The following ALLC variants were observed in gnomAD, a reference collection of about 807,000 sequenced individuals.
The protein encoded by ALLC is probable inactive allantoicase.
A neutral mutation model predicts 45.0 loss-of-function variants in ALLC; 40 were observed. The observed-to-expected ratio is 0.89, with a 90% confidence interval of 0.69 to 1.16. The LOEUF (loss-of-function observed/expected upper bound fraction) is 1.16. Ranked by LOEUF, ALLC falls within the 50% of genes most tolerant of loss-of-function variation. The pLI, the probability that ALLC is intolerant of heterozygous loss-of-function variation, is 0.00. For missense variants in ALLC, 488 were observed against 493.1 expected (o/e 0.99, Z 0.10); for synonymous variants, 176 against 178.1 (o/e 0.99, Z 0.09).
chr2:3,677,726 C>T (rs1358832671), intron 3 of ALLC, among the ~76,000 whole-genome samples: 1 of 152,208 alleles, frequency 6.6e-6, no homozygotes, highest in African/African-American at 2.4e-5. Flanking sequence ...GCCCTGGGTC[C>T]TGCTACCCCT....
the ALLC span, among the ~76,000 whole-genome samples, chr2:3,648,695 GC>G: frequency 6.6e-6 from 1 of 152,158 alleles, no homozygotes; most frequent in African/African-American, 2.4e-5. Context: ...GCTGTCCACT[GC>G]CCCCCATTCT....
intron 1 of ALLC, among the ~76,000 whole-genome samples, chr2:3,663,501 T>G (rs770260938): frequency 6.6e-6 from 1 of 152,198 alleles, no homozygotes; most frequent in East Asian, 1.9e-4. Context: ...TGGGTTGATC[T>G]GTGCAGCAAA....
upstream of ALLC, among the ~76,000 whole-genome samples, chr2:3,657,982 T>C (rs1666479275): frequency 6.6e-6 from 1 of 152,230 alleles, no homozygotes; most frequent in African/African-American, 2.4e-5. Flanking sequence ...CCCAGGCCAG[T>C]GGCCGGAGGC....
upstream of ALLC, among the ~76,000 whole-genome samples, chr2:3,656,829 G>GGGGTC (rs1666454056): frequency 6.8e-6 from 1 of 146,244 alleles, no homozygotes; most frequent in African/African-American, 2.8e-5. Context: ...GTGGAGGGCA[G>GGGGTC]AGGTCAGGGT....
At chr2:3,652,301 G>T in the ALLC span, among the ~76,000 whole-genome samples, 1,013 of 152,362 alleles carry the variant, frequency 6.6e-3, 4 homozygotes, top group Non-Finnish European at 0.011. Context: ...AGAGCCTGGG[G>T]GCCGGTCTGT....
intron 2 of ALLC, among the ~76,000 whole-genome samples, chr2:3,673,249 G>A (rs1239393583): frequency 6.6e-6 from 1 of 152,242 alleles, no homozygotes; most frequent in Non-Finnish European, 1.5e-5. Context: ...TTGGGAGCAC[G>A]AGTCTGGAGA....
At chr2:3,696,619 C>T (rs946420416) in intron 9 of ALLC, among the ~76,000 whole-genome samples, 1 of 152,074 alleles carries the variant, frequency 6.6e-6, no homozygotes, top group African/African-American at 2.4e-5. Context: ...AAAGGAGCTG[C>T]GATTTAATAA....
In ALLC at chr2:3,702,365, G is replaced by C. The variant is rs762977000; in HGVS notation, c.978G>C (p.Leu326Phe). Residue 326 changes from leucine (L) to phenylalanine (F), a missense_variant and splice_region_variant, in exon 12 of 12, where the codon TTG (leucine) becomes TTC (phenylalanine). Coordinates refer to ENST00000252505, the MANE Select transcript of ALLC (RefSeq NM_018436.4). ...KWKPLLPVTKLSPNQSHLFDS... is the reference protein window; with the variant it reads ...KWKPLLPVTKFSPNQSHLFDS... ...CTCTGCATCTGCTTGCTTTTCAGTT[G>C]TCTCCCAACCAAAGTCATCTGTTCG... 5.6e-6 allele frequency: 9 copies of C among 1,612,698 alleles called. No homozygotes were observed. The highest frequency in any genetic ancestry group is 7.6e-6 in the Non-Finnish European group (9 of 1,179,636).
the ALLC span, among the ~76,000 whole-genome samples, chr2:3,651,505 G>C: frequency 3.7e-4 from 56 of 151,214 alleles, no homozygotes; most frequent in Admixed American, 4.0e-4. Context: ...AGGAGGCAGA[G>C]GCCGAGGTGT....
the ALLC span, among the ~76,000 whole-genome samples, chr2:3,649,576 G>T: frequency 3.7e-3 from 569 of 152,366 alleles, 6 homozygotes; most frequent in African/African-American, 0.013. Flanking sequence ...TGAAGTAAAT[G>T]TGGTTTACAC....
chr2:3,674,946 T>C (rs898368574), intron 3 of ALLC, among the ~76,000 whole-genome samples: 1 of 152,202 alleles, frequency 6.6e-6, no homozygotes, highest in East Asian at 1.9e-4. Flanking sequence ...GTTCCACAGA[T>C]TTACATCGTT....
intron 1 of ALLC, among the ~76,000 whole-genome samples, chr2:3,665,115 G>A (rs1033631447): frequency 6.6e-6 from 1 of 152,102 alleles, no homozygotes; most frequent in Non-Finnish European, 1.5e-5. Context: ...TGTTGACCTC[G>A]GGTGGTGCCT....
chr2:3,674,969 C>CA (rs969785656), intron 3 of ALLC, among the ~76,000 whole-genome samples: 25 of 151,916 alleles, frequency 1.6e-4, no homozygotes, highest in African/African-American at 5.5e-4. Flanking sequence ...CACAAGTGGG[C>CA]AAAAAAATAG....
In ALLC at chr2:3,666,656, C is replaced by T. The variant is rs114763065; in HGVS notation, c.-62-4440C>T. Among the ~76,000 whole-genome samples the T allele has an allele frequency of 8.0e-3, 1,223 of 152,364 alleles. 15 individuals are homozygous for T. Among genetic ancestry groups the T allele is most frequent in the African/African-American group, 0.028 (1,149 of 41,580 alleles). The stretch of plus-strand genomic sequence containing the variant: ...CAGGGCAGCGCGCAGTCAGCATCAC[C>T]CAGCCTTGATGAGCACGCCGCGATG... On this transcript the variant is annotated intron_variant, in intron 1 of 11. Coordinates refer to ENST00000252505, the MANE Select transcript of ALLC (RefSeq NM_018436.4).
At chr2:3,672,342 T>G (rs1234649309) in intron 2 of ALLC, among the ~76,000 whole-genome samples, 1 of 119,100 alleles carries the variant, frequency 8.4e-6, no homozygotes, top group Admixed American at 7.7e-5. Flanking sequence ...GGAGGTCCTC[T>G]GGCTCTGGTT....
chr2:3,697,621 G>GTCTGTCTGTCTGTCTGTCTA lies in ALLC; in HGVS notation c.850+168_850+169insGTCTGTCTGTCTGTCTATCT, dbSNP rs1354630765. On this transcript the variant is annotated intron_variant, in intron 10 of 11. Transcript: ENST00000252505. ...TTAACCCTTAGAACTCTGTCTGTCT[G>GTCTGTCTGTCTGTCTGTCTA]TCTATCTATCTATCTATCTATCTAT... Among the ~76,000 whole-genome samples the GTCTGTCTGTCTGTCTGTCTA allele has an allele frequency of 3.1e-3, 383 of 125,432 alleles. 2 individuals are homozygous for GTCTGTCTGTCTGTCTGTCTA. Among genetic ancestry groups the GTCTGTCTGTCTGTCTGTCTA allele is most frequent in the African/African-American group, 9.7e-3 (351 of 36,126 alleles). The allele number at this position is 125,432 out of a possible 152,430, so 82.3% of individuals were successfully genotyped here.
the ALLC span, among the ~76,000 whole-genome samples, chr2:3,649,781 G>A: frequency 1.3e-5 from 2 of 152,354 alleles, no homozygotes; most frequent in African/African-American, 2.4e-5. Context: ...AGGGACTCAC[G>A]TGCACACGTG....
chr2:3,702,344 G>A lies in ALLC; in HGVS notation c.976-19G>A. On this transcript the variant is annotated intron_variant, in intron 11 of 11. Coordinates refer to ENST00000252505, the MANE Select transcript of ALLC (RefSeq NM_018436.4). Reference sequence around the variant, plus strand: ...GTCCTGTTAACAGACTAGGACCTCTGCATCTGCTTGCTTTTCAGTTGTCTC... The same window carrying A: ...GTCCTGTTAACAGACTAGGACCTCTACATCTGCTTGCTTTTCAGTTGTCTC... The A allele has an allele frequency of 6.2e-7, 1 of 1,610,612 alleles. No homozygotes were observed. Among genetic ancestry groups the A allele is most frequent in the Non-Finnish European group, 8.5e-7 (1 of 1,178,480 alleles).
chr2:3,663,133 A>G (rs1426210657), intron 1 of ALLC, among the ~76,000 whole-genome samples: 1 of 152,250 alleles, frequency 6.6e-6, no homozygotes, highest in African/African-American at 2.4e-5. Context: ...GCACCTGTTC[A>G]CTGCAGTACT....
Sources: gnomAD v4.1 joint callset for allele counts (sites outside exome capture counted in the v4.1 genomes callset) on GRCh38, gnomAD v4.1.1 for gene constraint, MANE v1.5 for transcripts, NCBI Gene and HGNC (gene_info 2026-07-23, HGNC 2026-07-21) for gene names.